Variants in STS observed in about 807,000 individuals in gnomAD.
STS encodes steryl-sulfatase.
In STS, 7 loss-of-function variants were observed where a neutral mutation model predicts 26.8. The ratio of observed to expected loss-of-function variants is 0.26; its 90% confidence interval spans 0.15 to 0.49. The LOEUF is 0.49. STS is among the 20% of genes least tolerant of loss of function. The pLI, the probability that STS is intolerant of heterozygous loss-of-function variation, is 0.98. For missense variants in STS, 434 were observed against 465.6 expected (o/e 0.93, Z 0.63); for synonymous variants, 199 against 189.4 (o/e 1.05, Z -0.42).
At chrX:7,287,042 CAG>C (rs1925167223) in intron 7 of STS, among the ~76,000 whole-genome samples, 1 of 111,575 alleles carries the variant, frequency 9.0e-6, no homozygotes, top group African/African-American at 3.3e-5. Flanking sequence ...ATGGAGGAGA[CAG>C]TAGCTATGAG....
chrX:7,293,953 C>A (rs951656134), intron 7 of STS, among the ~76,000 whole-genome samples: 11 of 110,965 alleles, frequency 9.9e-5, no homozygotes, highest in African/African-American at 3.6e-4. Context: ...AAGACCCCAT[C>A]TCTAAAATAA....
At chrX:7,315,262 T>G (rs1478199713) in intron 8 of STS, among the ~76,000 whole-genome samples, 1 of 112,394 alleles carries the variant, frequency 8.9e-6, no homozygotes, top group African/African-American at 3.2e-5. Flanking sequence ...GAATGAGACA[T>G]GCATAGAATT....
chrX:7,239,166 A>G (rs1368183165), intron 2 of STS, among the ~76,000 whole-genome samples: 1 of 111,933 alleles, frequency 8.9e-6, no homozygotes, highest in Non-Finnish European at 1.9e-5. Flanking sequence ...TAGAAAAATC[A>G]CAAGTGATTT....
intron 10 of STS, among the ~76,000 whole-genome samples, chrX:7,338,865 A>G (rs750158890): frequency 8.9e-6 from 1 of 111,783 alleles, no homozygotes; most frequent in East Asian, 2.8e-4. Flanking sequence ...AAATACATAC[A>G]TTGAATATGC....
intron 5 of STS, 35 bp downstream of exon 5, chrX:7,257,623 G>T (rs368345285): frequency 1.1e-5 from 13 of 1,207,283 alleles, no homozygotes; most frequent in Admixed American, 2.2e-5. Flanking sequence ...CCATCTATAG[G>T]TATGGGAATG....
intron 2 of STS, among the ~76,000 whole-genome samples, chrX:7,202,330 C>T (rs1313309635): frequency 9.0e-6 from 1 of 110,980 alleles, no homozygotes; most frequent in Non-Finnish European, 1.9e-5. Context: ...TGTTTGAGAA[C>T]ATTCTCAACA....
At chrX:7,253,601 A>T (rs1923252222) in intron 3 of STS, among the ~76,000 whole-genome samples, 1 of 112,047 alleles carries the variant, frequency 8.9e-6, no homozygotes, top group Non-Finnish European at 1.9e-5. Flanking sequence ...ACTAATGGCT[A>T]CGATGCTGCT....
intron 2 of STS, among the ~76,000 whole-genome samples, chrX:7,191,829 CT>C (rs1933879939): frequency 8.9e-6 from 1 of 112,637 alleles, no homozygotes; most frequent in African/African-American, 3.2e-5. Context: ...GCTCCTCCCC[CT>C]GGTGGAAGTG....
chrX:7,155,965 A>G (rs1186706387), intron 1 of STS, among the ~76,000 whole-genome samples: 1 of 110,997 alleles, frequency 9.0e-6, no homozygotes, highest in African/African-American at 3.3e-5. Flanking sequence ...CCTGGGCAAC[A>G]TGGTGAAACC....
chrX:7,174,237 G>A (rs1455451419), intron 1 of STS, among the ~76,000 whole-genome samples: 3 of 111,450 alleles, frequency 2.7e-5, no homozygotes, highest in Non-Finnish European at 5.6e-5. Flanking sequence ...AAGGGCTAGA[G>A]GAATGGCTTA....
chrX:7,165,483 A>G (rs1258408228), intron 1 of STS, among the ~76,000 whole-genome samples: 1 of 110,012 alleles, frequency 9.1e-6, no homozygotes, highest in Non-Finnish European at 1.9e-5. Context: ...TACAAAAAGT[A>G]AAAAAATAAA....
intron 10 of STS, among the ~76,000 whole-genome samples, chrX:7,349,233 G>A (rs768372053): frequency 1.0e-5 from 1 of 99,638 alleles, no homozygotes; most frequent in South Asian, 5.3e-4. Flanking sequence ...CTAGGCTCAA[G>A]GCTCAAGTGA....
intron 2 of STS, among the ~76,000 whole-genome samples, chrX:7,234,413 ACT>A: frequency 8.9e-6 from 1 of 112,301 alleles, no homozygotes; most frequent in East Asian, 2.8e-4. Flanking sequence ...TGACTGACTG[ACT>A]CTGTTGCCGA....
At chrX:7,325,877 C>T (rs1224577751) in intron 9 of STS, among the ~76,000 whole-genome samples, 1 of 112,182 alleles carries the variant, frequency 8.9e-6, no homozygotes, top group African/African-American at 3.2e-5. Context: ...AGCAGTTTTC[C>T]TTCCTTCTGG....
intron 1 of STS, among the ~76,000 whole-genome samples, chrX:7,148,371 C>T (rs1472310487): frequency 8.9e-6 from 1 of 112,787 alleles, no homozygotes; most frequent in African/African-American, 3.2e-5. Context: ...TGTTTACCCG[C>T]ATCAATTCCT....
intron 8 of STS, among the ~76,000 whole-genome samples, chrX:7,322,870 C>G (rs745434494): frequency 1.8e-5 from 2 of 112,109 alleles, no homozygotes; most frequent in South Asian, 3.7e-4. Flanking sequence ...TGCTGACATT[C>G]TGATCCACTC....
chrX:7,209,333 T>A (rs1270084630), intron 2 of STS, among the ~76,000 whole-genome samples: 9 of 108,467 alleles, frequency 8.3e-5, no homozygotes, highest in Admixed American at 8.0e-4. Context: ...CCACAGATTT[T>A]AAAAAATATT....
intron 8 of STS, among the ~76,000 whole-genome samples, chrX:7,316,073 G>T (rs2147151178): frequency 8.9e-6 from 1 of 111,855 alleles, no homozygotes; most frequent in Admixed American, 9.5e-5. Context: ...GTGGGACTCA[G>T]CTCAACCAAG....
chrX:7,305,812 G>A (rs746784157), intron 8 of STS, among the ~76,000 whole-genome samples: 3 of 111,436 alleles, frequency 2.7e-5, no homozygotes, highest in Non-Finnish European at 5.6e-5. Context: ...CCTCTTATGA[G>A]GACACTTGAG....
Sources: allele counts gnomAD v4.1 joint callset (sites outside exome capture counted in the v4.1 genomes callset), GRCh38; gene constraint gnomAD v4.1.1; transcripts MANE v1.5; gene names NCBI Gene and HGNC (gene_info 2026-07-23, HGNC 2026-07-21).